NEDD8: variants seen among roughly 807,000 people sequenced by gnomAD.
NEDD8 encodes NEDD8 ubiquitin like modifier.
NEDD8 carries 1 observed loss-of-function variant against 13.8 expected under a neutral mutation model. The ratio of observed to expected loss-of-function variants is 0.07; its 90% CI spans 0.03 to 0.34. The LOEUF is 0.34. NEDD8 is among the 10% of genes least tolerant of loss of function. NEDD8 has a pLI of 0.99. For synonymous variants in NEDD8, 31 were observed against 33.2 expected (o/e 0.93, Z 0.23); for missense variants, 10 against 95.2 (o/e 0.10, Z 3.73).
intron 1 of NEDD8, among the ~76,000 whole-genome samples, chr14:24,220,536 G>C (rs1037282469): frequency 7.9e-5 from 12 of 152,114 alleles, no homozygotes; most frequent in South Asian, 4.1e-4. Flanking sequence ...TGCTCAGGCT[G>C]GTTTCAAACT....
intron 1 of NEDD8, chr14:24,227,224 CT>C (rs1442286215): frequency 6.6e-6 from 1 of 152,164 alleles, no homozygotes; most frequent in Non-Finnish European, 1.5e-5. Flanking sequence ...CCCTTAAGAA[CT>C]GTGCATTTTA....
chr14:24,225,365 A>G (rs2138897625), intron 1 of NEDD8, among the ~76,000 whole-genome samples: 1 of 152,274 alleles, frequency 6.6e-6, no homozygotes, highest in Admixed American at 6.5e-5. Context: ...ATAAAAAAAG[A>G]GAGAGAGACA....
At chr14:24,219,301 A>AAACAACAACAACAACAAC (rs147656745) in intron 1 of NEDD8, among the ~76,000 whole-genome samples, 4 of 148,692 alleles carry the variant, frequency 2.7e-5, no homozygotes, top group Non-Finnish European at 5.9e-5. Context: ...GTCTCAACCA[A>AAACAACAACAACAACAAC]AACAACAACA....
intron 1 of NEDD8, among the ~76,000 whole-genome samples, chr14:24,221,202 G>T (rs1055393760): frequency 2.0e-5 from 3 of 152,058 alleles, no homozygotes; most frequent in African/African-American, 7.2e-5. Flanking sequence ...TCCTTTCAGA[G>T]AATGGTGGTG....
At chr14:24,224,910 G>A (rs2039864450) in intron 1 of NEDD8, among the ~76,000 whole-genome samples, 1 of 152,158 alleles carries the variant, frequency 6.6e-6, no homozygotes, top group Non-Finnish European at 1.5e-5. Flanking sequence ...TGTAATCCCA[G>A]CAATTTGGGA....
intron 3 of NEDD8, 134 bp downstream of exon 3, chr14:24,217,999 G>A (rs1282637010): frequency 6.6e-6 from 7 of 1,059,718 alleles, no homozygotes; most frequent in African/African-American, 1.6e-5. Context: ...GGGGCTTAGA[G>A]GCTTCACCAG....
At chr14:24,217,274 T>TCTG in intron 3 of NEDD8, 51 bp from the exon 4 acceptor site, 4 of 1,205,992 alleles carry the variant, frequency 3.3e-6, no homozygotes, top group Admixed American at 2.3e-5. Flanking sequence ...TTAGGAGTTT[T>TCTG]TTGTTGTTGT....
intron 1 of NEDD8, among the ~76,000 whole-genome samples, chr14:24,220,355 T>C (rs932788168): frequency 1.3e-5 from 2 of 152,170 alleles, no homozygotes; most frequent in Admixed American, 6.5e-5. Flanking sequence ...AGGGTCTCAC[T>C]GTATCAAGCA....
chr14:24,232,118 C>T, intron 1 of NEDD8, 132 bp downstream of exon 1: 3 of 1,439,486 alleles, frequency 2.1e-6, no homozygotes, highest in Non-Finnish European at 2.8e-6. Flanking sequence ...CACCACCCCT[C>T]GCGCGGAGCC....
chr14:24,217,041 G>T lies in NEDD8; in HGVS notation c.*86C>A. The T allele has an allele frequency of 2.9e-6, 3 of 1,021,988 alleles. No individual in the cohort carries two copies. The highest frequency in any genetic ancestry group is 3.0e-6 in the Non-Finnish European group (2 of 677,108). 63.3% of individuals were successfully genotyped at this position (1,021,988 alleles called of 1,614,324 possible). A position where few individuals can be genotyped will look rare whatever the true frequency, so the allele number is the denominator to read the frequency against. ...CATTACTGGGCATCCAGGGGAGGGG[G>T]CAGTGGCTATGGTGTCCCAGAGAGT... On this transcript the variant is annotated 3_prime_UTR_variant, in exon 4 of 4. Coordinates refer to ENST00000250495, the MANE Select transcript of NEDD8 (RefSeq NM_006156.3).
chr14:24,219,663 TAA>T (rs2138883650), intron 1 of NEDD8, among the ~76,000 whole-genome samples: 1 of 152,290 alleles, frequency 6.6e-6, no homozygotes, highest in East Asian at 1.9e-4. Context: ...TATGCAGTCA[TAA>T]ATGTTGTGTC....
chr14:24,217,873 CAT>C, intron 3 of NEDD8: 1 of 390,096 alleles, frequency 2.6e-6, no homozygotes. Context: ...TAAAAAAGTA[CAT>C]ATATTACTAT....
chr14:24,221,728 G>C (rs1028541779), intron 1 of NEDD8, among the ~76,000 whole-genome samples: 1 of 152,026 alleles, frequency 6.6e-6, no homozygotes, highest in African/African-American at 2.4e-5. Flanking sequence ...CTCCCAAGTA[G>C]CTGGGACTAC....
intron 1 of NEDD8, chr14:24,227,428 A>G (rs1407886108): frequency 6.6e-6 from 1 of 152,234 alleles, no homozygotes; most frequent in African/African-American, 2.4e-5. Context: ...TAGAGGGGAT[A>G]TGACGGTAGG....
chr14:24,218,041 G>A, intron 3 of NEDD8, 92 bp downstream of exon 3: 1 of 1,539,374 alleles, frequency 6.5e-7, no homozygotes, highest in Non-Finnish European at 8.9e-7. Flanking sequence ...CCAAAAACAA[G>A]AGGCACCCCT....
chr14:24,219,447 C>T (rs2138882729), intron 1 of NEDD8, among the ~76,000 whole-genome samples: 1 of 120,294 alleles, frequency 8.3e-6, no homozygotes, highest in Admixed American at 1.2e-4. Context: ...GATTGTGCCA[C>T]TGTACTCCAG....
At chr14:24,231,036 T>A (rs1252026236) in intron 1 of NEDD8, among the ~76,000 whole-genome samples, 1 of 152,180 alleles carries the variant, frequency 6.6e-6, no homozygotes, top group Non-Finnish European at 1.5e-5. Flanking sequence ...CCTACAGGCA[T>A]GCGCCCAGAC....
intron 1 of NEDD8, among the ~76,000 whole-genome samples, chr14:24,219,440 T>C (rs2039762432): frequency 1.5e-5 from 2 of 137,192 alleles, no homozygotes; most frequent in African/African-American, 5.6e-5. Context: ...AAGCCACGAT[T>C]GTGCCACTGT....
intron 1 of NEDD8, chr14:24,226,881 A>G (rs778591720): frequency 6.6e-6 from 1 of 152,250 alleles, no homozygotes; most frequent in Non-Finnish European, 1.5e-5. Context: ...AAACACTCGT[A>G]TAACAATGTT....
Sources: allele counts gnomAD v4.1 joint callset (sites outside exome capture counted in the v4.1 genomes callset), GRCh38; gene constraint gnomAD v4.1.1; transcripts MANE v1.5; gene names NCBI Gene and HGNC (gene_info 2026-07-23, HGNC 2026-07-21).